SHANK2: variants seen among roughly 807,000 people sequenced by gnomAD.
The protein encoded by SHANK2 is SH3 and multiple ankyrin repeat domains protein 2.
A neutral mutation model predicts 133.7 loss-of-function variants in SHANK2; 43 were observed. That is an observed-to-expected ratio of 0.32 (90% confidence interval 0.25 to 0.41). The LOEUF is 0.41. Among genes scored for constraint, SHANK2 ranks in the 10% least tolerant of loss-of-function variants. The pLI, the probability that SHANK2 is intolerant of heterozygous loss-of-function variation, is 1.00. For missense variants in SHANK2, 1,994 were observed against 2,235.8 expected, an observed-to-expected ratio of 0.89 and a Z score of 2.18; for synonymous variants, 1,017 against 952.8, an observed-to-expected ratio of 1.07 and a Z score of -1.24.
chr11:70,788,997 A>T (rs1947729007), intron 14 of SHANK2, among the ~76,000 whole-genome samples: 1 of 152,100 alleles, frequency 6.6e-6, no homozygotes. Flanking sequence ...GGCGGTCCGG[A>T]GACACTTCTC....
intron 11 of SHANK2, among the ~76,000 whole-genome samples, chr11:70,887,582 C>G (rs538744141): frequency 2.9e-4 from 44 of 152,228 alleles, no homozygotes; most frequent in African/African-American, 1.1e-3. Context: ...AAGCCACATT[C>G]CAGCATCGTA....
At chr11:71,166,133 G>A (rs1467403740) in intron 2 of SHANK2, among the ~76,000 whole-genome samples, 1 of 152,202 alleles carries the variant, frequency 6.6e-6, no homozygotes, top group Non-Finnish European at 1.5e-5. Context: ...CAGACTGGGG[G>A]TTCCACAGAT....
At chr11:71,063,774 C>T (rs1951014714) in intron 9 of SHANK2, among the ~76,000 whole-genome samples, 5 of 152,250 alleles carry the variant, frequency 3.3e-5, no homozygotes, top group Admixed American at 2.0e-4. Context: ...TTTGAAGACC[C>T]GAGCATCAAG....
intron 3 of SHANK2, among the ~76,000 whole-genome samples, chr11:71,133,581 G>A (rs1440309550): frequency 6.6e-6 from 1 of 151,864 alleles, no homozygotes; most frequent in African/African-American, 2.4e-5. Context: ...GGATGTGGAT[G>A]GATTGGAGGG....
rs190597741 is a variant in SHANK2, at chr11:71,095,963, C to T, written c.593-1275G>A. Among the ~76,000 whole-genome samples, 20 of 137,208 alleles carry T rather than the reference C, an allele frequency of 1.5e-4. 1 individual carries two copies. Among genetic ancestry groups the T allele is most frequent in the Non-Finnish European group, 3.0e-4 (18 of 60,720 alleles). 90.0% of individuals were successfully genotyped at this position (137,208 alleles called of 152,430 possible). A position where few individuals can be genotyped will look rare whatever the true frequency, so the allele number is the denominator to read the frequency against. ...GCCAACATCTTCATTCATCCTGTCT[C>T]CATGTGAAAAGCATGCTTCCTGTCT... On this transcript the variant is annotated intron_variant, in intron 6 of 25. Transcript: ENST00000601538.
At chr11:70,582,750 T>G (rs1455220115) in intron 17 of SHANK2, among the ~76,000 whole-genome samples, 2 of 152,120 alleles carry the variant, frequency 1.3e-5, no homozygotes, top group African/African-American at 4.8e-5. Flanking sequence ...CATCTGTGTG[T>G]GCTATGGTGG....
chr11:70,601,764 C>T (rs782599972), intron 17 of SHANK2, among the ~76,000 whole-genome samples: 1 of 152,206 alleles, frequency 6.6e-6, no homozygotes, highest in Non-Finnish European at 1.5e-5. Context: ...CACAAACAGT[C>T]CAGAAACATA....
At chr11:70,942,601 C>G in intron 10 of SHANK2, 1 of 456,866 alleles carries the variant, frequency 2.2e-6, no homozygotes, top group South Asian at 1.5e-5. Flanking sequence ...AACCATAGCA[C>G]AGACCTAGCA....
At chr11:70,760,202 GCTC>G (rs1195619094) in intron 14 of SHANK2, among the ~76,000 whole-genome samples, 1 of 152,224 alleles carries the variant, frequency 6.6e-6, no homozygotes, top group Non-Finnish European at 1.5e-5. Flanking sequence ...AATATTCACA[GCTC>G]CTCCTGTAAC....
At chr11:71,208,863 G>A (rs1954187705) in intron 2 of SHANK2, among the ~76,000 whole-genome samples, 1 of 152,146 alleles carries the variant, frequency 6.6e-6, no homozygotes, top group African/African-American at 2.4e-5. Flanking sequence ...TTAGAGCAGA[G>A]GTTGCTAAAC....
chr11:71,240,952 G>C (rs1555124333), intron 1 of SHANK2: 1 of 152,210 alleles, frequency 6.6e-6, no homozygotes, highest in African/African-American at 2.4e-5. Context: ...CAAGTTAAAA[G>C]GAGACACCAT....
intron 10 of SHANK2, among the ~76,000 whole-genome samples, chr11:70,906,098 C>G (rs1221976008): frequency 6.6e-6 from 1 of 152,190 alleles, no homozygotes; most frequent in South Asian, 2.1e-4. Context: ...CAGGATTGCA[C>G]CCAGCTCATT....
chr11:71,181,193 G>A (rs1273710630), intron 2 of SHANK2, among the ~76,000 whole-genome samples: 3 of 151,994 alleles, frequency 2.0e-5, no homozygotes, highest in South Asian at 2.1e-4. Flanking sequence ...GGTTCCTCCC[G>A]CTGAGCTGAA....
intron 14 of SHANK2, among the ~76,000 whole-genome samples, chr11:70,797,725 A>T (rs1947944097): frequency 6.6e-6 from 1 of 152,108 alleles, no homozygotes; most frequent in Admixed American, 6.6e-5. Flanking sequence ...TGGCCACTTG[A>T]CACGTGTTCT....
intron 14 of SHANK2, among the ~76,000 whole-genome samples, chr11:70,713,858 C>T (rs1290990230): frequency 6.6e-6 from 1 of 152,240 alleles, no homozygotes; most frequent in African/African-American, 2.4e-5. Flanking sequence ...GTGCTAGCAG[C>T]GTTGGCCTCT....
chr11:71,096,333 G>A (rs1346190790), intron 6 of SHANK2, among the ~76,000 whole-genome samples: 27 of 152,346 alleles, frequency 1.8e-4, no homozygotes, highest in African/African-American at 6.0e-4. Context: ...AGCAAGGGGT[G>A]TGGGGATTGA....
At chr11:70,688,933 C>G (rs1945214068) in intron 15 of SHANK2, among the ~76,000 whole-genome samples, 1 of 152,322 alleles carries the variant, frequency 6.6e-6, no homozygotes, top group African/African-American at 2.4e-5. Context: ...CTACTTGTCC[C>G]ATAGGTATGC....
chr11:70,889,199 C>T (rs1374677497), intron 11 of SHANK2, among the ~76,000 whole-genome samples: 6 of 151,916 alleles, frequency 3.9e-5, no homozygotes, highest in South Asian at 2.1e-4. Flanking sequence ...GACTGGAGTC[C>T]GTATAAGGGA....
intron 2 of SHANK2, among the ~76,000 whole-genome samples, chr11:71,211,642 C>CA (rs35529960): frequency 0.42 from 49,350 of 117,854 alleles, 9,470 homozygotes; most frequent in East Asian, 0.63. Flanking sequence ...TGAGCATTTG[C>CA]AAAAAAAAAA....
Sources: gnomAD v4.1 joint callset for allele counts (sites outside exome capture counted in the v4.1 genomes callset) on GRCh38, gnomAD v4.1.1 for gene constraint, MANE v1.5 for transcripts, NCBI Gene and HGNC (gene_info 2026-07-23, HGNC 2026-07-21) for gene names.